The following JAKMIP1 variants were observed in gnomAD, a reference collection of about 807,000 sequenced individuals.
The protein encoded by JAKMIP1 is janus kinase and microtubule-interacting protein 1.
JAKMIP1 carries 33 observed loss-of-function variants against 113.0 expected under a neutral mutation model. The ratio of observed to expected loss-of-function variants is 0.29; its 90% CI spans 0.22 to 0.39. The LOEUF (loss-of-function observed/expected upper bound fraction) is 0.39, where lower values mean the gene tolerates loss of function less well. JAKMIP1 is among the 10% of genes least tolerant of loss of function. The probability of loss-of-function intolerance (pLI) is 1.00; values close to 1 mark genes in which losing one functional copy is unlikely to be tolerated. For missense variants in JAKMIP1, 813 were observed against 1,080.5 expected, an observed-to-expected ratio of 0.75 and a Z score of 3.47; for synonymous variants, 480 against 459.9, an observed-to-expected ratio of 1.04 and a Z score of -0.56.
rs1360370148 is a variant in JAKMIP1 at position 6,069,946 on chromosome 4, C to T, written c.1303-4938G>A. On this transcript the variant is annotated intron_variant, in intron 8 of 20. Coordinates refer to ENST00000409021, the MANE Select transcript of JAKMIP1 (RefSeq NM_001099433.2). This position sits in a 1 kb window ranked among gnomAD's most constrained non-coding sequence, Gnocchi z 4.5. ...TCTCTCTCAGCCACCTGTCTTCTCACCTTCCTATCATTTTCAACAGAGCCA... is the reference window on the plus strand; with the variant it reads ...TCTCTCTCAGCCACCTGTCTTCTCATCTTCCTATCATTTTCAACAGAGCCA... 1 of 395,916 alleles carries T rather than the reference C, an allele frequency of 2.5e-6. No homozygotes were observed. The allele number at this position is 395,916 out of a possible 1,614,324, so 24.5% of individuals were successfully genotyped here.
Position 6,136,870 on chromosome 4 carries a change from T to C in JAKMIP1, c.-147-23873A>G, listed in dbSNP as rs1263993132. On this transcript the variant is annotated intron_variant, in intron 1 of 20. Coordinates refer to ENST00000409021, the MANE Select transcript of JAKMIP1 (RefSeq NM_001099433.2). The surrounding 1 kb of genome is among the most constrained non-coding windows in gnomAD (Gnocchi z 5.9). ...ACCAGCAGCGGCACTACCCATCACA[T>C]AACAGGCATTTAGACACAGTTGCGT... is the stretch of plus-strand genomic sequence containing the variant. 1.4e-4 allele frequency among the ~76,000 whole-genome samples: 22 copies of C among 152,116 alleles called. No individual in the cohort carries two copies. Among genetic ancestry groups the C allele is most frequent in the Admixed American group, 1.4e-3 (22 of 15,274 alleles).
chr4:6,084,712 G>T, intron 5 of JAKMIP1, 134 bp downstream of exon 5: 1 of 942,970 alleles, frequency 1.1e-6, no homozygotes, highest in Non-Finnish European at 1.5e-6. Context: ...ATTTTTAATC[G>T]AAAAGAAGTA....
At chr4:6,030,543 TCC>T in intron 19 of JAKMIP1, among the ~76,000 whole-genome samples, 1 of 152,204 alleles carries the variant, frequency 6.6e-6, no homozygotes, top group South Asian at 2.1e-4. Flanking sequence ...CTCCCCCGTT[TCC>T]AGATCTTCAT....
At chr4:6,030,508 G>A (rs17765384) in intron 19 of JAKMIP1, among the ~76,000 whole-genome samples, 28,534 of 152,090 alleles carry the variant, frequency 0.19, 3,323 homozygotes, top group Non-Finnish European at 0.26. Flanking sequence ...CCCACACAGC[G>A]TCTCCACCGA....
intron 1 of JAKMIP1, among the ~76,000 whole-genome samples, chr4:6,198,701 G>A (rs1728104383): frequency 6.6e-6 from 1 of 152,234 alleles, no homozygotes; most frequent in African/African-American, 2.4e-5. Flanking sequence ...ATCAGTCTCT[G>A]CAGAGCTGCA....
At chr4:6,070,675 C>A (rs1199927816) in intron 8 of JAKMIP1, among the ~76,000 whole-genome samples, 3 of 152,254 alleles carry the variant, frequency 2.0e-5, no homozygotes, top group Non-Finnish European at 2.9e-5. Flanking sequence ...AGGACCCAAA[C>A]CGAGGAGCTG....
intron 3 of JAKMIP1, among the ~76,000 whole-genome samples, chr4:6,103,719 C>A (rs1407691351): frequency 6.6e-6 from 1 of 152,110 alleles, no homozygotes; most frequent in Non-Finnish European, 1.5e-5. Context: ...TGTTTCATGT[C>A]AGTTTTGGTA....
chr4:6,191,012 A>G (rs1727197620), intron 1 of JAKMIP1, among the ~76,000 whole-genome samples: 1 of 152,344 alleles, frequency 6.6e-6, no homozygotes, highest in African/African-American at 2.4e-5. Context: ...GATGGGGACA[A>G]ACAGCAGCTT....
At position 6,142,378 on chromosome 4, in the gene JAKMIP1, G is replaced by A. The variant is rs1358325662; in HGVS notation, c.-147-29381C>T. Among the ~76,000 whole-genome samples, 3 of 152,164 alleles carry A rather than the reference G, an allele frequency of 2.0e-5. No homozygotes were observed. The highest frequency in any genetic ancestry group is 2.1e-4 in the South Asian group (1 of 4,830). ...CTGTGCTTTAAAAGGGCAGTTTCTCGTGTTCTGTCCTTCCCGAGTCCAGTG... is the reference window on the plus strand; with the variant it reads ...CTGTGCTTTAAAAGGGCAGTTTCTCATGTTCTGTCCTTCCCGAGTCCAGTG... On this transcript the variant is annotated intron_variant, in intron 1 of 20. Coordinates refer to ENST00000409021, the MANE Select transcript of JAKMIP1 (RefSeq NM_001099433.2). The surrounding 1 kb of genome is among the most constrained non-coding windows in gnomAD (Gnocchi z 5.5).
intron 3 of JAKMIP1, among the ~76,000 whole-genome samples, chr4:6,101,141 A>C (rs1712951859): frequency 6.6e-6 from 1 of 152,174 alleles, no homozygotes; most frequent in Non-Finnish European, 1.5e-5. Context: ...AGATCATGAA[A>C]ATAGTCTGTT....
chr4:6,158,155 C>T lies in JAKMIP1; in HGVS notation c.-148+42098G>A, dbSNP rs987388051. Among the ~76,000 whole-genome samples the T allele has an allele frequency of 1.3e-5, 2 of 152,196 alleles. No homozygotes were observed. Among genetic ancestry groups the T allele is most frequent in the Middle Eastern group, 3.2e-3 (1 of 316 alleles). On this transcript the variant is annotated intron_variant, in intron 1 of 20. Coordinates refer to ENST00000409021, the MANE Select transcript of JAKMIP1 (RefSeq NM_001099433.2). The surrounding 1 kb of genome is among the most constrained non-coding windows in gnomAD (Gnocchi z 5.3). ...ACCTGGAACGCAAGGATGGGGAGAACGGATCGCCTCACAGTGTGGAGGGCA... is the reference window on the plus strand; with the variant it reads ...ACCTGGAACGCAAGGATGGGGAGAATGGATCGCCTCACAGTGTGGAGGGCA...
chr4:6,144,543 A>G (rs189344423), intron 1 of JAKMIP1, among the ~76,000 whole-genome samples: 134 of 152,358 alleles, frequency 8.8e-4, no homozygotes, highest in Non-Finnish European at 1.4e-3. Context: ...AGCAAGTGAG[A>G]TATATCCCAG....
rs1714430860 is a variant in JAKMIP1 at position 6,042,289 on chromosome 4, G to C, written c.2029-62C>G. The C allele has an allele frequency of 4.5e-6, 6 of 1,326,388 alleles. No homozygotes were observed. The highest frequency in any genetic ancestry group is 6.5e-6 in the Non-Finnish European group (6 of 920,742). 82.2% of individuals were successfully genotyped at this position (1,326,388 alleles called of 1,614,324 possible). A position where few individuals can be genotyped will look rare whatever the true frequency, so the allele number is the denominator to read the frequency against. On this transcript the variant is annotated intron_variant, in intron 16 of 20. Transcript: ENST00000409021. This position sits in a 1 kb window ranked among gnomAD's most constrained non-coding sequence, Gnocchi z 5.2. ...TGAGAGTCAGAACCCAAGGGGCTGTGGAATTTCACAGGTGTGTGAATTTCA... is the reference window on the plus strand; with the variant it reads ...TGAGAGTCAGAACCCAAGGGGCTGTCGAATTTCACAGGTGTGTGAATTTCA...
At position 6,074,824 on chromosome 4, in the gene JAKMIP1, C is replaced by T. The variant is rs150487119; in HGVS notation, c.1302+4115G>A. The stretch of plus-strand genomic sequence containing the variant: ...ACTGTACATTGTCTATGTTTAGATA[C>T]ACAAATACCATTGGATTACAACTGC... On this transcript the variant is annotated intron_variant, in intron 8 of 20. Coordinates refer to ENST00000409021, the MANE Select transcript of JAKMIP1 (RefSeq NM_001099433.2). Among the ~76,000 whole-genome samples, 217 of 152,292 alleles carry T rather than the reference C, an allele frequency of 1.4e-3. 1 individual carries two copies. Among genetic ancestry groups the T allele is most frequent in the Middle Eastern group, 3.4e-3 (1 of 294 alleles).
Position 6,067,070 on chromosome 4 carries a change from C to G in JAKMIP1, c.1303-2062G>C, listed in dbSNP as rs1025435557. On this transcript the variant is annotated intron_variant, in intron 8 of 20. Coordinates refer to ENST00000409021, the MANE Select transcript of JAKMIP1 (RefSeq NM_001099433.2). The surrounding 1 kb of genome is among the most constrained non-coding windows in gnomAD (Gnocchi z 4.6). ...AGGTCCCTCCTGCTTCACCCCCGCC[C>G]CAGCCTCTGGGGCCTCCTTCTTTAT... Among the ~76,000 whole-genome samples the G allele has an allele frequency of 4.6e-5, 7 of 152,174 alleles. No homozygotes were observed. Among genetic ancestry groups the G allele is most frequent in the African/African-American group, 1.7e-4 (7 of 41,446 alleles).
chr4:6,198,901 G>A (rs952766634), intron 1 of JAKMIP1, among the ~76,000 whole-genome samples: 1 of 152,258 alleles, frequency 6.6e-6, no homozygotes, highest in South Asian at 2.1e-4. Flanking sequence ...CTGACTTAGG[G>A]GGGATGGCCC....
At position 6,047,014 on chromosome 4, in the gene JAKMIP1, A is replaced by G. The variant is rs74593804; in HGVS notation, c.2028+1843T>C. Among the ~76,000 whole-genome samples the G allele has an allele frequency of 6.1e-3, 933 of 152,354 alleles. 4 individuals carry two copies. Among genetic ancestry groups the G allele is most frequent in the African/African-American group, 0.021 (876 of 41,586 alleles). On this transcript the variant is annotated intron_variant, in intron 16 of 20. Transcript: ENST00000409021. ...GACCAAGCATCTCCAGGAAGCAAGC[A>G]TGGCCCCAGGTGCTTGATTGAACCT...
chr4:6,069,555 C>T lies in JAKMIP1; in HGVS notation c.1303-4547G>A, dbSNP rs1262834374. 6.6e-6 allele frequency among the ~76,000 whole-genome samples: 1 copy of T among 151,938 alleles called. No homozygotes were observed. Among genetic ancestry groups the T allele is most frequent in the Non-Finnish European group, 1.5e-5 (1 of 67,992 alleles). On this transcript the variant is annotated intron_variant, in intron 8 of 20. Coordinates refer to ENST00000409021, the MANE Select transcript of JAKMIP1 (RefSeq NM_001099433.2). The surrounding 1 kb of genome is among the most constrained non-coding windows in gnomAD (Gnocchi z 4.5). ...CTTGAGCCCAGGAGTTCAAGATCAACCTGGGCCACATAGTGAGAATCCATC... is the reference window on the plus strand; with the variant it reads ...CTTGAGCCCAGGAGTTCAAGATCAATCTGGGCCACATAGTGAGAATCCATC...
intron 3 of JAKMIP1, among the ~76,000 whole-genome samples, chr4:6,099,009 A>T (rs1301732657): frequency 6.6e-6 from 1 of 152,196 alleles, no homozygotes; most frequent in Non-Finnish European, 1.5e-5. Flanking sequence ...CCTGTTTTGG[A>T]AATTCATTTT....
Sources: gnomAD v4.1 joint callset for allele counts (sites outside exome capture counted in the v4.1 genomes callset) on GRCh38, gnomAD v4.1.1 for gene constraint, Gnocchi (gnomAD v3.1) non-coding constraint, MANE v1.5 for transcripts, NCBI Gene and HGNC (gene_info 2026-07-23, HGNC 2026-07-21) for gene names.